PDE10A: variants seen among roughly 807,000 people sequenced by gnomAD.
PDE10A encodes the protein phosphodiesterase 10A.
PDE10A carries 39 observed loss-of-function variants against 97.7 expected under a neutral mutation model. The ratio of observed to expected loss-of-function variants is 0.40; its 90% CI spans 0.31 to 0.52. PDE10A has a LOEUF of 0.52. Ranked by LOEUF, PDE10A falls within the 20% of genes least tolerant of loss-of-function variation. The pLI, the probability that PDE10A is intolerant of heterozygous loss-of-function variation, is 0.56. For missense variants in PDE10A, 731 were observed against 1,047.8 expected, an observed-to-expected ratio of 0.70 and a Z score of 4.17; for synonymous variants, 371 against 376.8, an observed-to-expected ratio of 0.98 and a Z score of 0.18.
chr6:165,920,453 A>G (rs545881996), intron 1 of PDE10A, among the ~76,000 whole-genome samples: 2 of 152,276 alleles, frequency 1.3e-5, no homozygotes, highest in Admixed American at 1.3e-4. Context: ...AAAATGATCC[A>G]GTTATCTTTA....
chr6:165,428,724 C>A lies in PDE10A; in HGVS notation c.1602-15G>T. 9.5e-7 allele frequency: 1 copy of A among 1,057,056 alleles called. No homozygotes were observed. The highest frequency in any genetic ancestry group is 2.5e-5 in the East Asian group (1 of 40,770). The allele number at this position is 1,057,056 out of a possible 1,614,324, so 65.5% of individuals were successfully genotyped here. A position where few individuals can be genotyped will look rare whatever the true frequency, so the allele number is the denominator to read the frequency against. On this transcript the variant is annotated splice_polypyrimidine_tract_variant and intron_variant, in intron 9 of 21. Transcript: ENST00000539869. ...CAAAATATGTTCTGAAAAAAAGAAACATAAATCCTGTAAGTAATTTCATTA... is the reference window on the plus strand; with the variant it reads ...CAAAATATGTTCTGAAAAAAAGAAAAATAAATCCTGTAAGTAATTTCATTA...
At chr6:165,686,528 G>A (rs1395148348) in intron 1 of PDE10A, among the ~76,000 whole-genome samples, 1 of 152,126 alleles carries the variant, frequency 6.6e-6, no homozygotes, top group Non-Finnish European at 1.5e-5. Context: ...TGAACACCAC[G>A]GTGAGCACAG....
In PDE10A at chr6:165,662,116, G is replaced by A. The variant is rs775339790; in HGVS notation, c.696C>T (p.Gly232=). Residue 232 remains glycine, a synonymous_variant, in exon 1 of 22, where the codon GGC becomes GGT. Transcript: ENST00000539869. ...GQAARRAGSP[G]FPGAGPGGGG... ...CGCCGCCTGGGCCGGCGCCGGGGAA[G>A]CCGGGGGAGCCCGCGCGGCGGGCGG... 2,128 of 996,214 alleles carry A rather than the reference G, an allele frequency of 2.1e-3. 1 individual carries two copies. Among genetic ancestry groups the A allele is most frequent in the Non-Finnish European group, 2.4e-3 (1,987 of 825,952 alleles). 61.7% of individuals were successfully genotyped at this position (996,214 alleles called of 1,614,324 possible).
chr6:165,439,680 T>G (rs1053264322), intron 5 of PDE10A, among the ~76,000 whole-genome samples: 3 of 152,192 alleles, frequency 2.0e-5, no homozygotes, highest in Non-Finnish European at 2.9e-5. Flanking sequence ...AACAGCAAAT[T>G]TTTATATCTA....
At chr6:165,794,217 A>T (rs562069214) in intron 1 of PDE10A, among the ~76,000 whole-genome samples, 68 of 150,264 alleles carry the variant, frequency 4.5e-4, no homozygotes, top group African/African-American at 1.5e-3. Flanking sequence ...CACTCATCAC[A>T]CAATCATACA....
chr6:165,647,764 G>C (rs1395236752), intron 1 of PDE10A, among the ~76,000 whole-genome samples: 1 of 152,154 alleles, frequency 6.6e-6, no homozygotes, highest in Non-Finnish European at 1.5e-5. Flanking sequence ...GACGTCACTT[G>C]CAGAGACTGC....
intron 1 of PDE10A, among the ~76,000 whole-genome samples, chr6:165,656,258 TCACACACA>T (rs3083000): frequency 0.046 from 6,016 of 129,812 alleles, 283 homozygotes; most frequent in African/African-American, 0.12. Flanking sequence ...TCTCTCTCTC[TCACACACA>T]CACACACACA....
At chr6:165,525,388 G>C (rs527335492) in intron 2 of PDE10A, among the ~76,000 whole-genome samples, 18 of 152,236 alleles carry the variant, frequency 1.2e-4, no homozygotes, top group African/African-American at 4.3e-4. Flanking sequence ...TATATGTTTG[G>C]TTAGTTGAAA....
At chr6:165,690,809 A>G (rs944761071) in intron 1 of PDE10A, among the ~76,000 whole-genome samples, 3 of 152,216 alleles carry the variant, frequency 2.0e-5, no homozygotes, top group African/African-American at 7.2e-5. Flanking sequence ...GAGCCACGGG[A>G]TGCCCAGATA....
rs1168507539 is a variant in PDE10A, at chr6:165,388,291, G to GT, written c.2610+6_2610+7insA. The GT allele has an allele frequency of 6.2e-7, 1 of 1,613,558 alleles. No homozygotes were observed. The highest frequency in any genetic ancestry group is 2.2e-5 in the East Asian group (1 of 44,896). On this transcript the variant is annotated splice_region_variant and intron_variant, in intron 17 of 21. Transcript: ENST00000539869. The surrounding 1 kb of genome is among the most constrained non-coding windows in gnomAD (Gnocchi z 4.0). ...GACTAAGCGAGAGACGGCGTGCAGT[G>GT]ACTCACCTGGAGGATGGACACAGTC...
chr6:165,765,308 C>G (rs1328716867), intron 1 of PDE10A, among the ~76,000 whole-genome samples: 1 of 152,242 alleles, frequency 6.6e-6, no homozygotes, highest in African/African-American at 2.4e-5. Flanking sequence ...CTTGGGTGAT[C>G]GATGGGACTG....
chr6:165,485,181 G>C (rs1779828801), intron 2 of PDE10A, among the ~76,000 whole-genome samples: 1 of 152,144 alleles, frequency 6.6e-6, no homozygotes, highest in Admixed American at 6.5e-5. Flanking sequence ...TGCATTAAAA[G>C]ACAAGCCTGG....
intron 1 of PDE10A, among the ~76,000 whole-genome samples, chr6:165,560,124 G>A (rs1311239506): frequency 1.3e-5 from 2 of 152,184 alleles, no homozygotes; most frequent in Non-Finnish European, 1.5e-5. Flanking sequence ...TCCTAAAATA[G>A]GAAGATTATC....
chr6:165,458,693 A>T lies in PDE10A; in HGVS notation c.1024-8331T>A, dbSNP rs905883888. Among the ~76,000 whole-genome samples, 61 of 152,120 alleles carry T rather than the reference A, an allele frequency of 4.0e-4. 1 individual carries two copies. Among genetic ancestry groups the T allele is most frequent in the African/African-American group, 1.4e-3 (59 of 41,496 alleles). On this transcript the variant is annotated intron_variant, in intron 3 of 21. Coordinates refer to ENST00000539869, the MANE Select transcript of PDE10A (RefSeq NM_001385079.1). ...CGCACACACACACACACTCACACAC[A>T]CACACACGTTTTATAAATATGTTTT... is the stretch of plus-strand genomic sequence containing the variant.
chr6:165,827,319 C>T (rs1044106262), intron 1 of PDE10A, among the ~76,000 whole-genome samples: 1 of 152,172 alleles, frequency 6.6e-6, no homozygotes, highest in Non-Finnish European at 1.5e-5. Context: ...GGGGCGGGGG[C>T]ACCCGGTGTC....
chr6:165,972,223 G>A (rs1219808889), intron 1 of PDE10A, among the ~76,000 whole-genome samples: 2 of 152,168 alleles, frequency 1.3e-5, no homozygotes, highest in African/African-American at 2.4e-5. Flanking sequence ...TGTGGTAGAA[G>A]GTGGGGAACA....
At chr6:165,733,877 A>G (rs914833202) in intron 1 of PDE10A, among the ~76,000 whole-genome samples, 4 of 152,192 alleles carry the variant, frequency 2.6e-5, no homozygotes, top group Admixed American at 6.5e-5. Flanking sequence ...TAGGAAGAAA[A>G]AAAAAAACTG....
At chr6:165,643,603 C>G (rs1406043890) in intron 1 of PDE10A, among the ~76,000 whole-genome samples, 1 of 152,084 alleles carries the variant, frequency 6.6e-6, no homozygotes, top group Non-Finnish European at 1.5e-5. Flanking sequence ...CACAGAAAGA[C>G]AAATACTGAA....
chr6:165,500,935 C>G (rs373657860), intron 2 of PDE10A, among the ~76,000 whole-genome samples: 4 of 152,194 alleles, frequency 2.6e-5, no homozygotes, highest in African/African-American at 9.6e-5. Flanking sequence ...CACATCAAGG[C>G]ACAGCACCTT....
Sources: gnomAD v4.1 joint callset for allele counts (sites outside exome capture counted in the v4.1 genomes callset) on GRCh38, gnomAD v4.1.1 for gene constraint, Gnocchi (gnomAD v3.1) non-coding constraint, MANE v1.5 for transcripts, NCBI Gene and HGNC (gene_info 2026-07-23, HGNC 2026-07-21) for gene names.